The following CNOT6 variants were observed in gnomAD, a reference collection of about 807,000 sequenced individuals.
CNOT6 encodes the protein CCR4-NOT transcription complex subunit 6, also known as carbon catabolite repression 4 protein.
In CNOT6, 12 loss-of-function variants were observed where a neutral mutation model predicts 61.2. That is an observed-to-expected ratio of 0.20 (90% CI 0.13 to 0.32). The LOEUF (loss-of-function observed/expected upper bound fraction) is 0.32. Among genes scored for constraint, CNOT6 ranks in the 10% least tolerant of loss-of-function variants. The probability of loss-of-function intolerance (pLI) is 1.00; values close to 1 mark genes in which losing one functional copy is unlikely to be tolerated. For synonymous variants in CNOT6, 225 were observed against 240.6 expected, an observed-to-expected ratio of 0.94 and a Z score of 0.60; for missense variants, 405 against 663.9, an observed-to-expected ratio of 0.61 and a Z score of 4.28.
chr5:180,552,602 CAT>C (rs1450861043), intron 3 of CNOT6, among the ~76,000 whole-genome samples: 7 of 149,164 alleles, frequency 4.7e-5, no homozygotes, highest in Non-Finnish European at 1.0e-4. Flanking sequence ...GCCGAGATCG[CAT>C]CACTGCACTC....
intron 2 of CNOT6, among the ~76,000 whole-genome samples, chr5:180,530,681 G>C (rs1424499714): frequency 6.6e-6 from 1 of 152,056 alleles, no homozygotes; most frequent in African/African-American, 2.4e-5. Context: ...TGTGAACAAG[G>C]GTCTCTGGTT....
chr5:180,574,175 G>A lies in CNOT6; in HGVS notation c.1649G>A (p.Gly550Asp), dbSNP rs1760908447. The change falls in exon 12 of 12, where the codon GGC becomes GAC. Residue 550 changes from glycine to aspartate, a missense_variant. Gly to Asp is a moderately conservative substitution (Grantham distance 94). Coordinates refer to ENST00000261951, the MANE Select transcript of CNOT6 (RefSeq NM_001370472.1). ...LLLPFLPQVN[G>D]IHLPGRR ...CTGCCTTTCCTGCCCCAAGTCAACG[G>A]CATCCACCTTCCTGGCAGGAGGTAG... 6.2e-7 allele frequency: 1 copy of A among 1,613,574 alleles called. No individual in the cohort carries two copies. Among genetic ancestry groups the A allele is most frequent in the Non-Finnish European group, 8.5e-7 (1 of 1,179,962 alleles).
rs953817916 is a variant in CNOT6 at position 180,531,228 on chromosome 5, C to T, written c.112+1840C>T. 2.8e-4 allele frequency among the ~76,000 whole-genome samples: 42 copies of T among 148,186 alleles called. 1 individual carries two copies. The highest frequency in any genetic ancestry group is 7.6e-4 in the African/African-American group (31 of 40,602). ...GCAGAGGGGCTCCTCACTTCCCAGA[C>T]GGGGCGGCTGCCGGGCAGAGGGGCT... is the stretch of plus-strand genomic sequence containing the variant. On this transcript the variant is annotated intron_variant, in intron 2 of 11. Coordinates refer to ENST00000261951, the MANE Select transcript of CNOT6 (RefSeq NM_001370472.1).
intron 4 of CNOT6, among the ~76,000 whole-genome samples, chr5:180,561,805 CAG>C (rs1028013560): frequency 2.0e-5 from 3 of 152,288 alleles, no homozygotes; most frequent in South Asian, 4.1e-4. Flanking sequence ...CTCTTTATTG[CAG>C]GGAGATGGTG....
intron 1 of CNOT6, among the ~76,000 whole-genome samples, chr5:180,516,975 C>G (rs1346894442): frequency 1.3e-5 from 2 of 152,190 alleles, no homozygotes; most frequent in African/African-American, 4.8e-5. Flanking sequence ...ATATCTGGTT[C>G]TTCCTCCATA....
chr5:180,525,091 C>T (rs534145788), intron 1 of CNOT6, among the ~76,000 whole-genome samples: 12 of 152,158 alleles, frequency 7.9e-5, no homozygotes, highest in Middle Eastern at 3.4e-3. Flanking sequence ...TTTTTTTATC[C>T]GTCTAAAAAC....
chr5:180,548,232 A>G (rs1221164245), intron 2 of CNOT6, among the ~76,000 whole-genome samples: 3 of 152,168 alleles, frequency 2.0e-5, no homozygotes, highest in African/African-American at 7.2e-5. Context: ...CATCATCCCA[A>G]AAACGAACGC....
At chr5:180,516,124 C>T (rs1317855423) in intron 1 of CNOT6, among the ~76,000 whole-genome samples, 1 of 151,090 alleles carries the variant, frequency 6.6e-6, no homozygotes, top group Non-Finnish European at 1.5e-5. Context: ...TGGTCTTGAA[C>T]TCTTGGGCTC....
chr5:180,572,102 C>G (rs1012871828), intron 11 of CNOT6, among the ~76,000 whole-genome samples: 1 of 152,038 alleles, frequency 6.6e-6, no homozygotes, highest in Non-Finnish European at 1.5e-5. Flanking sequence ...GTAAGATGTT[C>G]CTTCTCTTAC....
rs1024279464 is a variant in CNOT6 at position 180,516,148 on chromosome 5, G to A, written c.-2-13127G>A. ...ACTCTTGGGCTCAAGTGATTGGCCT[G>A]CCCAGGCCTCCCAAAGAGCTGGGAA... On this transcript the variant is annotated intron_variant, in intron 1 of 11. Coordinates refer to ENST00000261951, the MANE Select transcript of CNOT6 (RefSeq NM_001370472.1). Among the ~76,000 whole-genome samples, 6 of 150,432 alleles carry A rather than the reference G, an allele frequency of 4.0e-5. No homozygotes were observed. The East Asian group carries it at 1.2e-3, about 29-fold the overall frequency.
rs1215292743 is a variant in CNOT6, at chr5:180,574,718, T to A, written c.*518T>A. ...TACTAAAATCATTTGGAAATGATTG[T>A]ATTGTAAACTGAGGCTAAATTTTTT... is the stretch of plus-strand genomic sequence containing the variant. On this transcript the variant is annotated 3_prime_UTR_variant, in exon 12 of 12. Coordinates refer to ENST00000261951, the MANE Select transcript of CNOT6 (RefSeq NM_001370472.1). The A allele has an allele frequency of 6.4e-6, 1 of 155,442 alleles. No individual in the cohort carries two copies. The highest frequency in any genetic ancestry group is 1.4e-5 in the Non-Finnish European group (1 of 69,850). The allele number at this position is 155,442 out of a possible 1,614,324, so 9.6% of individuals were successfully genotyped here. A position where few individuals can be genotyped will look rare whatever the true frequency, so the allele number is the denominator to read the frequency against.
At chr5:180,543,770 G>A (rs995677433) in intron 2 of CNOT6, among the ~76,000 whole-genome samples, 4 of 151,778 alleles carry the variant, frequency 2.6e-5, no homozygotes, top group African/African-American at 7.3e-5. Flanking sequence ...TTTTGCTATC[G>A]TAAACATTTT....
At chr5:180,498,761 A>G (rs1008020840) in intron 1 of CNOT6, among the ~76,000 whole-genome samples, 1 of 152,162 alleles carries the variant, frequency 6.6e-6, no homozygotes, top group Non-Finnish European at 1.5e-5. Flanking sequence ...AGGCCCTACA[A>G]GTGTATATTT....
intron 1 of CNOT6, among the ~76,000 whole-genome samples, chr5:180,502,729 C>T (rs529942829): frequency 6.6e-6 from 1 of 152,216 alleles, no homozygotes; most frequent in African/African-American, 2.4e-5. Flanking sequence ...TTTGATTATA[C>T]GGAGATAGAT....
Position 180,541,440 on chromosome 5 carries a change from AATTTTTTTT to A in CNOT6, c.113-8490_113-8482del, listed in dbSNP as rs1333247948. 1.1e-4 allele frequency among the ~76,000 whole-genome samples: 11 copies of A among 103,000 alleles called. 1 individual carries two copies. The highest frequency in any genetic ancestry group is 2.2e-4 in the Admixed American group (2 of 8,972). The allele number at this position is 103,000 out of a possible 152,430, so 67.6% of individuals were successfully genotyped here. On this transcript the variant is annotated intron_variant, in intron 2 of 11. Coordinates refer to ENST00000261951, the MANE Select transcript of CNOT6 (RefSeq NM_001370472.1). ...CATGAACCACCACAACTGGCCAAGA[AATTTTTTTT>A]TTTTTTTTTTTTTTTTTTTTGAGAC... is the stretch of plus-strand genomic sequence containing the variant.
chr5:180,560,728 G>A (rs1183800043), intron 4 of CNOT6, among the ~76,000 whole-genome samples: 1 of 152,060 alleles, frequency 6.6e-6, no homozygotes, highest in Non-Finnish European at 1.5e-5. Flanking sequence ...TTGTGTAGGG[G>A]TTCACTGTGC....
At position 180,574,797 on chromosome 5, in the gene CNOT6, G is replaced by A. The variant is rs375533367; in HGVS notation, c.*597G>A. 1 of 153,338 alleles carries A rather than the reference G, an allele frequency of 6.5e-6. No homozygotes were observed. Among genetic ancestry groups the A allele is most frequent in the African/African-American group, 2.4e-5 (1 of 41,436 alleles). 9.5% of individuals were successfully genotyped at this position (153,338 alleles called of 1,614,324 possible). A position where few individuals can be genotyped will look rare whatever the true frequency, so the allele number is the denominator to read the frequency against. ...CCAGCTTGTAAAAGAAGCTGCAACA[G>A]ACTTTCTCTGCTCATGATTTGCACT... On this transcript the variant is annotated 3_prime_UTR_variant, in exon 12 of 12. Transcript: ENST00000261951.
At chr5:180,496,032 C>T (rs1036906422) in intron 1 of CNOT6, among the ~76,000 whole-genome samples, 2 of 152,188 alleles carry the variant, frequency 1.3e-5, no homozygotes, top group Non-Finnish European at 2.9e-5. Flanking sequence ...TTTGCCTCAC[C>T]CTCCTGACTA....
chr5:180,509,022 A>G (rs2127699866), intron 1 of CNOT6, among the ~76,000 whole-genome samples: 1 of 151,952 alleles, frequency 6.6e-6, no homozygotes, highest in African/African-American at 2.4e-5. Context: ...AGGTTTCACC[A>G]TATTGATCAG....
Sources: gnomAD v4.1 joint callset for allele counts (sites outside exome capture counted in the v4.1 genomes callset) on GRCh38, gnomAD v4.1.1 for gene constraint, MANE v1.5 for transcripts, NCBI Gene and HGNC (gene_info 2026-07-23, HGNC 2026-07-21) for gene names.